Variants in MRAS observed in about 807,000 individuals in gnomAD.
MRAS encodes muscle RAS oncogene homolog, also known as ras-related protein M-Ras.
Under a neutral mutation model 20.9 loss-of-function variants are expected in MRAS, and 4 were observed. The ratio of observed to expected loss-of-function variants is 0.19; its 90% CI spans 0.09 to 0.44. The LOEUF is 0.44. Among genes scored for constraint, MRAS ranks in the 20% least tolerant of loss-of-function variants. MRAS has a pLI of 0.99. For missense variants in MRAS, 154 were observed against 277.5 expected (o/e 0.56, Z 3.16); for synonymous variants, 98 against 102.9 (o/e 0.95, Z 0.29).
chr3:138,401,227 C>T (rs531307665), intron 5 of MRAS, among the ~76,000 whole-genome samples: 9 of 152,320 alleles, frequency 5.9e-5, no homozygotes, highest in African/African-American at 2.2e-4. Flanking sequence ...TGTCACCAAG[C>T]TATCCCATTT....
Position 138,397,320 on chromosome 3 carries a change from C to G in MRAS, c.194-4C>G. The G allele has an allele frequency of 6.2e-7, 1 of 1,613,880 alleles. No homozygotes were observed. The highest frequency in any genetic ancestry group is 8.5e-7 in the Non-Finnish European group (1 of 1,179,890). On this transcript the variant is annotated splice_region_variant and splice_polypyrimidine_tract_variant and intron_variant, in intron 2 of 5. Transcript: ENST00000423968. ...AGCCCCTGAGTGGCCTCATCCCACC[C>G]CAGTTCTGGACACAGCTGGGCAGGA... is the stretch of plus-strand genomic sequence containing the variant.
At chr3:138,371,646 C>G (rs762524313) in intron 1 of MRAS, among the ~76,000 whole-genome samples, 1 of 152,176 alleles carries the variant, frequency 6.6e-6, no homozygotes, top group East Asian at 1.9e-4. Context: ...TTCCCTCCCT[C>G]GATTTTTGTG....
intron 4 of MRAS, chr3:138,400,081 C>G (rs1323580414): frequency 6.4e-6 from 1 of 156,526 alleles, no homozygotes; most frequent in Non-Finnish European, 1.4e-5. Flanking sequence ...CCAGGGTCAC[C>G]TGGGCCCAGA....
At chr3:138,354,554 A>T (rs2054291891) in intron 1 of MRAS, among the ~76,000 whole-genome samples, 1 of 152,184 alleles carries the variant, frequency 6.6e-6, no homozygotes, top group Admixed American at 6.5e-5. Context: ...CACATTGTGG[A>T]GAAGCCACTC....
intron 1 of MRAS, chr3:138,349,481 T>C (rs2054184009): frequency 6.6e-6 from 1 of 152,396 alleles, no homozygotes; most frequent in African/African-American, 2.4e-5. Flanking sequence ...AGTTAATGTC[T>C]GGCTGGCCGC....
intron 2 of MRAS, among the ~76,000 whole-genome samples, chr3:138,375,126 A>G (rs569628112): frequency 3.0e-4 from 45 of 152,224 alleles, no homozygotes; most frequent in African/African-American, 6.7e-4. Flanking sequence ...GCTTCAAGCA[A>G]TCCTTCCATT....
chr3:138,369,486 T>G lies in MRAS; in HGVS notation c.-18-3380T>G, dbSNP rs145111086. Among the ~76,000 whole-genome samples, 337 of 152,168 alleles carry G rather than the reference T, an allele frequency of 2.2e-3. 1 individual carries two copies. The highest frequency in any genetic ancestry group is 0.017 in the Middle Eastern group (5 of 294). ...GGGGTGACAGTAGAGTATAAGGGGCTGCGGCACGGGTGTGGCTGGAGAGGT... is the reference window on the plus strand; with the variant it reads ...GGGGTGACAGTAGAGTATAAGGGGCGGCGGCACGGGTGTGGCTGGAGAGGT... On this transcript the variant is annotated intron_variant, in intron 1 of 5. Coordinates refer to ENST00000423968, the MANE Select transcript of MRAS (RefSeq NM_001085049.3).
chr3:138,360,546 G>A (rs2054425580), intron 1 of MRAS, among the ~76,000 whole-genome samples: 2 of 152,184 alleles, frequency 1.3e-5, no homozygotes, highest in South Asian at 4.1e-4. Flanking sequence ...GGACAGCAAG[G>A]AAGGACCCCT....
intron 5 of MRAS, 97 bp downstream of exon 5, chr3:138,400,710 C>T: frequency 2.0e-6 from 2 of 1,010,262 alleles, no homozygotes; most frequent in Middle Eastern, 5.0e-4. Flanking sequence ...GTTCTGAGGC[C>T]ATGAGGCTGT....
chr3:138,399,542 C>T (rs1435341930), intron 4 of MRAS, among the ~76,000 whole-genome samples: 4 of 41,326 alleles, frequency 9.7e-5, no homozygotes, highest in African/African-American at 1.8e-4. Context: ...CTTACTCTGT[C>T]GCCCTCCATG....
chr3:138,384,701 C>T (rs988404720), intron 2 of MRAS, among the ~76,000 whole-genome samples: 1 of 152,068 alleles, frequency 6.6e-6, no homozygotes, highest in Non-Finnish European at 1.5e-5. Flanking sequence ...ACCTGTAAAG[C>T]TGCAGGATGA....
intron 2 of MRAS, among the ~76,000 whole-genome samples, chr3:138,384,754 A>C (rs2054975835): frequency 6.6e-6 from 1 of 152,076 alleles, no homozygotes; most frequent in Non-Finnish European, 1.5e-5. Context: ...AGGACCCACC[A>C]ATGTTTAGAG....
intron 2 of MRAS, among the ~76,000 whole-genome samples, chr3:138,385,393 C>T (rs944141866): frequency 6.6e-6 from 1 of 151,152 alleles, no homozygotes; most frequent in Non-Finnish European, 1.5e-5. Context: ...GTGATCCTCC[C>T]AGCTCAGCCT....
At chr3:138,369,769 C>T (rs1450582638) in intron 1 of MRAS, among the ~76,000 whole-genome samples, 1 of 152,126 alleles carries the variant, frequency 6.6e-6, no homozygotes, top group African/African-American at 2.4e-5. Flanking sequence ...AGGGGGCCCC[C>T]ACTGGCCATT....
chr3:138,361,398 A>G (rs757441731), intron 1 of MRAS, among the ~76,000 whole-genome samples: 2 of 152,168 alleles, frequency 1.3e-5, no homozygotes, highest in Admixed American at 6.5e-5. Context: ...GGGTGGGACA[A>G]TGCTAGTGGT....
chr3:138,390,740 C>T (rs957224065), intron 2 of MRAS, among the ~76,000 whole-genome samples: 5 of 152,250 alleles, frequency 3.3e-5, no homozygotes, highest in Non-Finnish European at 5.9e-5. Flanking sequence ...CTCAGCCACA[C>T]ACCCCTCCTC....
intron 1 of MRAS, among the ~76,000 whole-genome samples, chr3:138,366,645 C>T (rs1390614832): frequency 6.6e-6 from 1 of 152,204 alleles, no homozygotes; most frequent in South Asian, 2.1e-4. Context: ...AGACGCTACC[C>T]TAAGAAAAGC....
Position 138,403,760 on chromosome 3 carries a change from G to C in MRAS, c.*1491G>C, listed in dbSNP as rs906900616. 2.0e-5 allele frequency: 3 copies of C among 152,660 alleles called. No individual in the cohort carries two copies. Among genetic ancestry groups the C allele is most frequent in the Non-Finnish European group, 4.4e-5 (3 of 68,058 alleles). The allele number at this position is 152,660 out of a possible 1,614,324, so 9.5% of individuals were successfully genotyped here. A position where few individuals can be genotyped will look rare whatever the true frequency, so the allele number is the denominator to read the frequency against. On this transcript the variant is annotated 3_prime_UTR_variant, in exon 6 of 6. Transcript: ENST00000423968. ...AAAGGTCAGAATAAAAGGCAGCACA[G>C]CTGGTGACCTTATTTTCTAGATGTT... is the stretch of plus-strand genomic sequence containing the variant.
intron 1 of MRAS, among the ~76,000 whole-genome samples, chr3:138,361,806 C>T (rs1036808080): frequency 2.0e-5 from 3 of 152,194 alleles, no homozygotes; most frequent in Non-Finnish European, 4.4e-5. Flanking sequence ...CCCAATTGCA[C>T]GCAGATTCCT....
Sources: gnomAD v4.1 joint callset for allele counts (sites outside exome capture counted in the v4.1 genomes callset) on GRCh38, gnomAD v4.1.1 for gene constraint, MANE v1.5 for transcripts, NCBI Gene and HGNC (gene_info 2026-07-23, HGNC 2026-07-21) for gene names.